The following SEC14L1 variants were observed in gnomAD, a reference collection of about 807,000 sequenced individuals.
SEC14L1 encodes SEC14 like lipid binding 1, also known as SEC14-like protein 1.
A neutral mutation model predicts 85.3 loss-of-function variants in SEC14L1; 48 were observed. The ratio of observed to expected loss-of-function variants is 0.56; its 90% CI spans 0.45 to 0.72. The LOEUF (loss-of-function observed/expected upper bound fraction) is 0.72, where lower values mean the gene tolerates loss of function less well. SEC14L1 is among the 30% of genes least tolerant of loss of function. The pLI is 0.00. For synonymous variants in SEC14L1, 391 were observed against 355.5 expected (o/e 1.10, Z -1.12); for missense variants, 682 against 921.4 (o/e 0.74, Z 3.36).
At chr17:77,131,720 C>T (rs1038058025) in intron 3 of SEC14L1, among the ~76,000 whole-genome samples, 8 of 152,102 alleles carry the variant, frequency 5.3e-5, no homozygotes, top group Non-Finnish European at 1.0e-4. Flanking sequence ...AAGTTGGGGA[C>T]GAGATTTACA....
intron 3 of SEC14L1, among the ~76,000 whole-genome samples, chr17:77,118,800 C>T (rs1393676421): frequency 6.6e-6 from 1 of 152,212 alleles, no homozygotes; most frequent in African/African-American, 2.4e-5. Context: ...CAGCATTCCT[C>T]TCTGATTATG....
chr17:77,201,741 G>A (rs1332441283), intron 9 of SEC14L1, among the ~76,000 whole-genome samples: 3 of 152,138 alleles, frequency 2.0e-5, no homozygotes, highest in African/African-American at 7.2e-5. Context: ...GAGCCATTGC[G>A]CCCGGCCTCA....
chr17:77,191,050 A>T (rs1358995917), intron 4 of SEC14L1, 98 bp downstream of exon 4: 1 of 1,538,942 alleles, frequency 6.5e-7, no homozygotes, highest in South Asian at 1.2e-5. Context: ...GGCATCCTGG[A>T]GGGAGAGGGC....
chr17:77,128,600 A>G (rs1360887810), intron 3 of SEC14L1, among the ~76,000 whole-genome samples: 1 of 151,676 alleles, frequency 6.6e-6, no homozygotes, highest in African/African-American at 2.4e-5. Context: ...CTGGGATTAC[A>G]GGCACATGCC....
At chr17:77,098,583 C>T (rs1197224188) in intron 3 of SEC14L1, among the ~76,000 whole-genome samples, 1 of 152,108 alleles carries the variant, frequency 6.6e-6, no homozygotes, top group Non-Finnish European at 1.5e-5. Context: ...CTTTTTGGCT[C>T]ATGTTGAGCC....
At position 77,216,248 on chromosome 17, in the gene SEC14L1, G is replaced by A; in HGVS notation, c.*2225G>A. Reference sequence around the variant, plus strand: ...GGTTCGTAGGTAGGGTTCGTAGGTAGGGTTCGTAGGTAGGGTTCGTAGGTA... The same window carrying A: ...GGTTCGTAGGTAGGGTTCGTAGGTAAGGTTCGTAGGTAGGGTTCGTAGGTA... On this transcript the variant is annotated 3_prime_UTR_variant, in exon 17 of 17. Transcript: ENST00000436233. The A allele has an allele frequency of 3.5e-6, 4 of 1,151,618 alleles. No homozygotes were observed. In the South Asian group the frequency reaches 6.8e-5, roughly 20 times the overall value. The allele number at this position is 1,151,618 out of a possible 1,614,324, so 71.3% of individuals were successfully genotyped here. A position where few individuals can be genotyped will look rare whatever the true frequency, so the allele number is the denominator to read the frequency against.
intron 8 of SEC14L1, 23 bp downstream of exon 8, chr17:77,196,334 G>A (rs1247919470): frequency 7.1e-7 from 1 of 1,401,448 alleles, no homozygotes. Context: ...ACCACACCCA[G>A]TGTGCAGGGC....
At chr17:77,156,752 G>A (rs972005116) in intron 3 of SEC14L1, among the ~76,000 whole-genome samples, 2 of 151,810 alleles carry the variant, frequency 1.3e-5, no homozygotes, top group African/African-American at 4.8e-5. Context: ...TCGTTTGGTC[G>A]GCTGTATTTA....
At chr17:77,170,660 A>T (rs768470334) in intron 3 of SEC14L1, among the ~76,000 whole-genome samples, 4 of 151,992 alleles carry the variant, frequency 2.6e-5, no homozygotes, top group Admixed American at 6.5e-5. Context: ...GGCTGTTTGG[A>T]CTCTGAACAG....
intron 3 of SEC14L1, among the ~76,000 whole-genome samples, chr17:77,095,764 C>A (rs1180810512): frequency 6.6e-6 from 1 of 151,958 alleles, no homozygotes; most frequent in African/African-American, 2.4e-5. Flanking sequence ...TTTCGGTGAG[C>A]CAAGGTCACA....
In SEC14L1 at chr17:77,206,677, G is replaced by T; in HGVS notation, c.1342-51G>T. Reference sequence around the variant, plus strand: ...ATACCACATTGTCATTTTAATCTTGGACACTCAGGCAGCAGAGAAATATGA... The same window carrying T: ...ATACCACATTGTCATTTTAATCTTGTACACTCAGGCAGCAGAGAAATATGA... On this transcript the variant is annotated intron_variant, in intron 12 of 16. Coordinates refer to ENST00000436233, the MANE Select transcript of SEC14L1 (RefSeq NM_001143998.2). This position sits in a 1 kb window ranked among gnomAD's most constrained non-coding sequence, Gnocchi z 4.3. The T allele has an allele frequency of 6.4e-7, 1 of 1,556,154 alleles. No homozygotes were observed. The highest frequency in any genetic ancestry group is 8.7e-7 in the Non-Finnish European group (1 of 1,153,138).
At position 77,213,757 on chromosome 17, in the gene SEC14L1, C is replaced by A. The variant is rs1567940188; in HGVS notation, c.2043-161C>A. 1 of 982,612 alleles carries A rather than the reference C, an allele frequency of 1.0e-6. No homozygotes were observed. Among genetic ancestry groups the A allele is most frequent in the South Asian group, 1.4e-5 (1 of 74,062 alleles). The allele number at this position is 982,612 out of a possible 1,614,324, so 60.9% of individuals were successfully genotyped here. A position where few individuals can be genotyped will look rare whatever the true frequency, so the allele number is the denominator to read the frequency against. On this transcript the variant is annotated intron_variant, in intron 16 of 16. Transcript: ENST00000436233. The surrounding 1 kb of genome is among the most constrained non-coding windows in gnomAD (Gnocchi z 7.1). Reference sequence around the variant, plus strand: ...GCGTGCAGGCTGTGGGAAGCCGGTCCCCCTGGTGGGTTACTCATGTCCATC... The same window carrying A: ...GCGTGCAGGCTGTGGGAAGCCGGTCACCCTGGTGGGTTACTCATGTCCATC...
At chr17:77,177,516 T>C (rs1416824964) in intron 3 of SEC14L1, among the ~76,000 whole-genome samples, 1 of 151,936 alleles carries the variant, frequency 6.6e-6, no homozygotes, top group Non-Finnish European at 1.5e-5. Flanking sequence ...TTAAAAGTAC[T>C]TTAAGAGAAA....
At chr17:77,142,539 CAGAG>C (rs1336168691) in intron 1 of SEC14L1, 103 bp from the exon 2 acceptor site, 1 of 109,784 alleles carries the variant, frequency 9.1e-6, no homozygotes, top group Non-Finnish European at 1.7e-5. Context: ...CCTTGGGCAA[CAGAG>C]AGACACCCTG....
At chr17:77,151,774 G>A (rs2143572873) in intron 3 of SEC14L1, among the ~76,000 whole-genome samples, 1 of 152,230 alleles carries the variant, frequency 6.6e-6, no homozygotes, top group African/African-American at 2.4e-5. Flanking sequence ...AGGCCAAGTG[G>A]GGAGGATGGC....
At chr17:77,163,230 A>G (rs1974146196) in intron 3 of SEC14L1, among the ~76,000 whole-genome samples, 1 of 152,176 alleles carries the variant, frequency 6.6e-6, no homozygotes, top group Admixed American at 6.5e-5. Flanking sequence ...GTCACACCCA[A>G]CTAAACTGGA....
intron 3 of SEC14L1, among the ~76,000 whole-genome samples, chr17:77,135,217 C>T (rs1362136156): frequency 6.6e-6 from 1 of 152,212 alleles, no homozygotes; most frequent in African/African-American, 2.4e-5. Context: ...TATCAGCATC[C>T]TTCCCTGGTT....
chr17:77,216,576 A>C lies in SEC14L1; in HGVS notation c.*2553A>C. On this transcript the variant is annotated 3_prime_UTR_variant, in exon 17 of 17. Coordinates refer to ENST00000436233, the MANE Select transcript of SEC14L1 (RefSeq NM_001143998.2). The stretch of plus-strand genomic sequence containing the variant: ...GGCGATTTTGCTGACAGCTGCCAAG[A>C]AAATGCTTCACTCAACAGTCCTCAT... 1 of 1,613,340 alleles carries C rather than the reference A, an allele frequency of 6.2e-7. No homozygotes were observed.
chr17:77,206,859 C>T lies in SEC14L1; in HGVS notation c.1473C>T (p.Cys491=). ...EIIPDFLSGE[C]MCEVPEGGLV... is the part of the protein sequence containing the mutation. ...TTCCAGATTTCCTGAGTGGGGAGTG[C>T]ATGGTATGTCCTGAGGCGAGGAACT... is the stretch of plus-strand genomic sequence containing the variant. The change falls in exon 13 of 17, where the codon TGC becomes TGT. Residue 491 remains cysteine, a synonymous_variant. Transcript: ENST00000436233. This position sits in a 1 kb window ranked among gnomAD's most constrained non-coding sequence, Gnocchi z 4.3. 6.2e-7 allele frequency: 1 copy of T among 1,600,616 alleles called. No homozygotes were observed. The highest frequency in any genetic ancestry group is 8.5e-7 in the Non-Finnish European group (1 of 1,174,256).
Sources: gnomAD v4.1 joint callset for allele counts (sites outside exome capture counted in the v4.1 genomes callset) on GRCh38, gnomAD v4.1.1 for gene constraint, Gnocchi (gnomAD v3.1) non-coding constraint, MANE v1.5 for transcripts, NCBI Gene and HGNC (gene_info 2026-07-23, HGNC 2026-07-21) for gene names.